Variants in ERICH6 observed in about 807,000 individuals in gnomAD.
The protein encoded by ERICH6 is glutamate rich 6.
A neutral mutation model predicts 71.0 loss-of-function variants in ERICH6; 71 were observed. The observed-to-expected ratio is 1.00, with a 90% CI of 0.83 to 1.22. ERICH6 has a LOEUF of 1.22. Among genes scored for constraint, ERICH6 ranks in the 50% most tolerant of loss-of-function variants. The pLI is 0.00. For missense variants in ERICH6, 808 were observed against 797.2 expected (o/e 1.01, Z -0.16); for synonymous variants, 262 against 278.4 (o/e 0.94, Z 0.59).
chr3:150,686,312 G>A lies in ERICH6; in HGVS notation c.596C>T (p.Ala199Val). The change falls in exon 4 of 14, where the codon GCA (alanine) becomes GTA (valine). Residue 199 changes from alanine (A) to valine (V), a missense_variant. Transcript: ENST00000295910. ...SKEKAEPECL[A>V]SKLREKWVIN... ...CATGTATTTACCTCTTAACTTAGAT[G>A]CCAGACATTCAGGTTCAGCTTTCTC... The A allele has an allele frequency of 6.2e-7, 1 of 1,614,134 alleles. No homozygotes were observed. Among genetic ancestry groups the A allele is most frequent in the Non-Finnish European group, 8.5e-7 (1 of 1,180,006 alleles).
chr3:150,678,768 C>T (rs1711766953), intron 9 of ERICH6, among the ~76,000 whole-genome samples: 1 of 152,068 alleles, frequency 6.6e-6, no homozygotes, highest in Non-Finnish European at 1.5e-5. Context: ...AGACTGGGCA[C>T]AGTGGCTCAC....
At chr3:150,692,173 G>A (rs975122128) in intron 3 of ERICH6, among the ~76,000 whole-genome samples, 2 of 152,136 alleles carry the variant, frequency 1.3e-5, no homozygotes, top group African/African-American at 4.8e-5. Context: ...GCTTATGGAA[G>A]TTATATCTTA....
At chr3:150,688,491 G>A (rs1712289191) in intron 3 of ERICH6, among the ~76,000 whole-genome samples, 1 of 152,086 alleles carries the variant, frequency 6.6e-6, no homozygotes, top group African/African-American at 2.4e-5. Flanking sequence ...AGTTCATTTG[G>A]GCTGCTATAA....
intron 10 of ERICH6, among the ~76,000 whole-genome samples, chr3:150,675,881 G>T (rs1285083167): frequency 8.0e-5 from 11 of 136,950 alleles, no homozygotes; most frequent in Admixed American, 7.3e-5. Flanking sequence ...TTGGTCTTTG[G>T]TTTTCTGCAG....
At chr3:150,682,338 A>T in intron 6 of ERICH6, 22 bp from the exon 7 acceptor site, 1 of 1,588,844 alleles carries the variant, frequency 6.3e-7, no homozygotes, top group Non-Finnish European at 8.6e-7. Context: ...GAGGAAAAAA[A>T]TTAAAGAAGT....
At chr3:150,687,128 T>C (rs1576557888) in intron 3 of ERICH6, among the ~76,000 whole-genome samples, 1 of 152,342 alleles carries the variant, frequency 6.6e-6, no homozygotes, top group African/African-American at 2.4e-5. Context: ...CAAATGTGTG[T>C]CTCAAAATAA....
chr3:150,680,410 C>T (rs953038497), intron 9 of ERICH6, 58 bp downstream of exon 9: 4 of 1,552,722 alleles, frequency 2.6e-6, no homozygotes, highest in Non-Finnish European at 3.6e-6. Flanking sequence ...TTTGGTTAAA[C>T]ATCTGAGCTT....
chr3:150,685,882 T>G, intron 5 of ERICH6, 24 bp from the exon 6 acceptor site: 1 of 1,609,312 alleles, frequency 6.2e-7, no homozygotes, highest in Non-Finnish European at 8.5e-7. Flanking sequence ...GAGAAAGGGG[T>G]GGTGAGGGGA....
chr3:150,702,123 A>C lies in ERICH6; in HGVS notation c.459T>G (p.Asp153Glu). ...GAAATTTGAAAACATTTTCTTACCT[A>C]TCTATACTCATTTCAGACATGTCTT... ...FRKDMSEMSIDRNIHRNLSPG... is the reference protein window; with the variant it reads ...FRKDMSEMSIERNIHRNLSPG... Residue 153 changes from aspartate to glutamate, a missense_variant and splice_region_variant, in exon 2 of 14, where the codon GAT (aspartate) becomes GAG (glutamate). Around this residue, in one of 3 missense-constraint regions of ERICH6, gnomAD observed 736 missense variants for 712.2 expected, o/e 1.03. Coordinates refer to ENST00000295910, the MANE Select transcript of ERICH6 (RefSeq NM_152394.5). 1 of 1,558,308 alleles carries C rather than the reference A, an allele frequency of 6.4e-7. No individual in the cohort carries two copies.
At chr3:150,680,624 C>T in intron 8 of ERICH6, 86 bp from the exon 9 acceptor site, 5 of 1,573,648 alleles carry the variant, frequency 3.2e-6, no homozygotes, top group Non-Finnish European at 3.5e-6. Context: ...TGCTTAAATG[C>T]CATCCTTGTC....
chr3:150,693,946 G>A (rs1712551094), intron 3 of ERICH6, among the ~76,000 whole-genome samples: 1 of 152,030 alleles, frequency 6.6e-6, no homozygotes, highest in Non-Finnish European at 1.5e-5. Context: ...GTAAAGCCCT[G>A]CAAACTGAAG....
intron 3 of ERICH6, among the ~76,000 whole-genome samples, chr3:150,689,971 G>GT (rs1576559413): frequency 6.6e-6 from 1 of 152,160 alleles, no homozygotes; most frequent in African/African-American, 2.4e-5. Context: ...TTACTCTTGG[G>GT]TTTTTTAAGA....
intron 1 of ERICH6, among the ~76,000 whole-genome samples, chr3:150,703,013 A>AGAGT (rs1559923876): frequency 2.7e-5 from 4 of 149,052 alleles, no homozygotes; most frequent in Non-Finnish European, 5.9e-5. Context: ...AGAGAGAGAG[A>AGAGT]GATGTCACGG....
At chr3:150,676,642 GGTTT>G (rs748386288) in intron 10 of ERICH6, among the ~76,000 whole-genome samples, 10 of 151,822 alleles carry the variant, frequency 6.6e-5, no homozygotes, top group Non-Finnish European at 7.4e-5. Flanking sequence ...ACATTCTTTT[GGTTT>G]GTTTGTTTGT....
At chr3:150,700,428 T>C (rs1210351114) in intron 2 of ERICH6, among the ~76,000 whole-genome samples, 2 of 151,586 alleles carry the variant, frequency 1.3e-5, no homozygotes, top group Non-Finnish European at 2.9e-5. Flanking sequence ...CCGTGAGACC[T>C]ATATAAAAAA....
intron 5 of ERICH6, 43 bp from the exon 6 acceptor site, chr3:150,685,901 A>G: frequency 6.2e-7 from 1 of 1,605,420 alleles, no homozygotes; most frequent in Non-Finnish European, 8.5e-7. Flanking sequence ...GAAATAATTG[A>G]AGATTTGATA....
intron 6 of ERICH6, among the ~76,000 whole-genome samples, chr3:150,683,530 G>A (rs1299750436): frequency 2.6e-5 from 4 of 152,068 alleles, no homozygotes; most frequent in Admixed American, 6.5e-5. Context: ...TTGGGAGGCC[G>A]AGGCAGGCCG....
At chr3:150,702,821 G>GTTT (rs71138466) in intron 1 of ERICH6, among the ~76,000 whole-genome samples, 2 of 135,972 alleles carry the variant, frequency 1.5e-5, no homozygotes, top group Non-Finnish European at 3.0e-5. Flanking sequence ...AAAGAGAGTT[G>GTTT]TTTTTTTTTT....
intron 6 of ERICH6, among the ~76,000 whole-genome samples, chr3:150,685,182 A>C (rs1042519822): frequency 2.0e-5 from 3 of 152,138 alleles, no homozygotes; most frequent in Non-Finnish European, 4.4e-5. Context: ...TGTGTCTCCC[A>C]AAAAGACATA....
Sources: allele counts gnomAD v4.1 joint callset (sites outside exome capture counted in the v4.1 genomes callset), GRCh38; gene constraint gnomAD v4.1.1; regional missense constraint gnomAD v4.1.1; transcripts MANE v1.5; gene names NCBI Gene and HGNC (gene_info 2026-07-23, HGNC 2026-07-21).